Variants in TTC9 observed in about 807,000 individuals in gnomAD.
TTC9 encodes the protein tetratricopeptide repeat protein 9A.
A neutral mutation model predicts 22.9 loss-of-function variants in TTC9; 13 were observed. The ratio of observed to expected loss-of-function variants is 0.57; its 90% CI spans 0.37 to 0.90. The LOEUF (loss-of-function observed/expected upper bound fraction) is 0.90. Ranked by LOEUF, TTC9 falls within the 40% of genes least tolerant of loss-of-function variation. TTC9 has a pLI of 0.01. For missense variants in TTC9, 280 were observed against 291.8 expected, an observed-to-expected ratio of 0.96 and a Z score of 0.29; for synonymous variants, 148 against 133.2, an observed-to-expected ratio of 1.11 and a Z score of -0.77.
At chr14:70,657,952 C>T (rs369572761) in intron 1 of TTC9, among the ~76,000 whole-genome samples, 1 of 152,106 alleles carries the variant, frequency 6.6e-6, no homozygotes, top group Non-Finnish European at 1.5e-5. Context: ...GGCGACAGAG[C>T]GAGACTCCAT....
Position 70,642,454 on chromosome 14 carries a change from G to A in TTC9, c.325G>A (p.Ala109Thr). The A allele has an allele frequency of 1.3e-6, 2 of 1,556,342 alleles. No individual in the cohort carries two copies. Among genetic ancestry groups the A allele is most frequent in the Non-Finnish European group, 1.7e-6 (2 of 1,151,732 alleles). Residue 109 changes from alanine to threonine, a missense_variant, in exon 1 of 3, where the codon GCC becomes ACC. Transcript: ENST00000256367. Reference sequence around the variant, plus strand: ...CTCGCGCCCGGCCTCCCCGGCTGGGGCCCTGAAGCCCGGCCGCCTCTCGGA... The same window carrying A: ...CTCGCGCCCGGCCTCCCCGGCTGGGACCCTGAAGCCCGGCCGCCTCTCGGA... ...RDSRPASPAG[A>T]LKPGRLSEEQ...
chr14:70,665,390 G>A (rs1481316732), intron 1 of TTC9, among the ~76,000 whole-genome samples: 2 of 152,162 alleles, frequency 1.3e-5, no homozygotes, highest in Non-Finnish European at 2.9e-5. Context: ...ACCAGCACAG[G>A]CTCCGACAAC....
At position 70,642,296 on chromosome 14, in the gene TTC9, G is replaced by A; in HGVS notation, c.167G>A (p.Arg56Gln). 2.6e-6 allele frequency: 4 copies of A among 1,540,420 alleles called. No homozygotes were observed. Among genetic ancestry groups the A allele is most frequent in the East Asian group, 5.3e-5 (2 of 37,942 alleles). Reference protein sequence around the residue: ...AAAEPAELIRRAHEFKSQGAQ... With the variant: ...AAAEPAELIRQAHEFKSQGAQ... ...GCCGAGCCGGCCGAGCTCATCCGAC[G>A]AGCGCACGAGTTCAAAAGCCAAGGG... The change falls in exon 1 of 3, where the codon CGA becomes CAA. Residue 56 changes from arginine to glutamine, a missense_variant. Arg to Gln is a conservative substitution (Grantham distance 43). Around this residue, in one of 5 missense-constraint regions of TTC9, gnomAD observed 165 missense variants for 145.4 expected, o/e 1.14. Transcript: ENST00000256367.
chr14:70,643,826 A>G (rs908346796), intron 1 of TTC9, among the ~76,000 whole-genome samples: 1 of 152,210 alleles, frequency 6.6e-6, no homozygotes, highest in Non-Finnish European at 1.5e-5. Flanking sequence ...CTACGGAGGC[A>G]CTTTGTAAAT....
At position 70,642,290 on chromosome 14, in the gene TTC9, T is replaced by C; in HGVS notation, c.161T>C (p.Ile54Thr). The change falls in exon 1 of 3, where the codon ATC becomes ACC. Residue 54 changes from isoleucine (I) to threonine (T), a missense_variant. Physicochemically the swap from Ile to Thr is moderately conservative, Grantham distance 89. Coordinates refer to ENST00000256367, the MANE Select transcript of TTC9 (RefSeq NM_015351.2). ...VGAAAEPAEL[I>T]RRAHEFKSQG... ...GCGGCGGCCGAGCCGGCCGAGCTCATCCGACGAGCGCACGAGTTCAAAAGC... is the reference window on the plus strand; with the variant it reads ...GCGGCGGCCGAGCCGGCCGAGCTCACCCGACGAGCGCACGAGTTCAAAAGC... The C allele has an allele frequency of 6.5e-7, 1 of 1,533,826 alleles. No individual in the cohort carries two copies.
At chr14:70,653,273 G>A (rs79887340) in intron 1 of TTC9, among the ~76,000 whole-genome samples, 22,773 of 152,228 alleles carry the variant, frequency 0.15, 1,865 homozygotes, top group Non-Finnish European at 0.19. Flanking sequence ...GGGAAAGAAT[G>A]CAGCAAAGAA....
chr14:70,657,191 C>T (rs1204910448), intron 1 of TTC9, among the ~76,000 whole-genome samples: 1 of 152,234 alleles, frequency 6.6e-6, no homozygotes, highest in East Asian at 1.9e-4. Flanking sequence ...AATATAAACT[C>T]CTTGAAGATA....
At position 70,671,672 on chromosome 14, in the gene TTC9, G is replaced by C. The variant is rs930837059; in HGVS notation, c.*517G>C. The C allele has an allele frequency of 6.6e-6, 1 of 152,612 alleles. No individual in the cohort carries two copies. Among genetic ancestry groups the C allele is most frequent in the East Asian group, 1.9e-4 (1 of 5,158 alleles). 9.5% of individuals were successfully genotyped at this position (152,612 alleles called of 1,614,324 possible). A position where few individuals can be genotyped will look rare whatever the true frequency, so the allele number is the denominator to read the frequency against. On this transcript the variant is annotated 3_prime_UTR_variant, in exon 3 of 3. Coordinates refer to ENST00000256367, the MANE Select transcript of TTC9 (RefSeq NM_015351.2). ...ATAGAGACTGTCAATGTGTACACTG[G>C]AGTTCCCACCCCCACCCCCCACCCG...
chr14:70,658,351 C>G (rs751143574), intron 1 of TTC9, among the ~76,000 whole-genome samples: 1 of 152,160 alleles, frequency 6.6e-6, no homozygotes, highest in Non-Finnish European at 1.5e-5. Flanking sequence ...TAAAGATGTT[C>G]TAGAGATGTT....
chr14:70,648,101 G>A (rs1026154512), intron 1 of TTC9, among the ~76,000 whole-genome samples: 1 of 152,162 alleles, frequency 6.6e-6, no homozygotes, highest in Non-Finnish European at 1.5e-5. Flanking sequence ...CCTAGGGTAA[G>A]GATTGGTCAA....
chr14:70,644,183 C>CT (rs1272585842), intron 1 of TTC9, among the ~76,000 whole-genome samples: 1 of 152,212 alleles, frequency 6.6e-6, no homozygotes. Context: ...GTGGCTAGCA[C>CT]TGCCTGCCCT....
At chr14:70,665,351 C>CCT (rs376670045) in intron 1 of TTC9, among the ~76,000 whole-genome samples, 3 of 151,858 alleles carry the variant, frequency 2.0e-5, no homozygotes, top group Admixed American at 6.6e-5. Flanking sequence ...TACAGAAACC[C>CCT]CTCTCTCTCT....
chr14:70,642,109 A>C lies in TTC9; in HGVS notation c.-21A>C. 1 of 1,092,968 alleles carries C rather than the reference A, an allele frequency of 9.1e-7. No homozygotes were observed. Among genetic ancestry groups the C allele is most frequent in the Non-Finnish European group, 1.1e-6 (1 of 900,350 alleles). The allele number at this position is 1,092,968 out of a possible 1,614,324, so 67.7% of individuals were successfully genotyped here. On this transcript the variant is annotated 5_prime_UTR_variant, in exon 1 of 3. Coordinates refer to ENST00000256367, the MANE Select transcript of TTC9 (RefSeq NM_015351.2). ...CGGCGGGCAGATCGCGGCGCGCACC[A>C]GGCGCCGGGGCGGCGGCCGAATGGA...
At chr14:70,660,935 C>T (rs576296489) in intron 1 of TTC9, among the ~76,000 whole-genome samples, 2 of 152,344 alleles carry the variant, frequency 1.3e-5, no homozygotes, top group East Asian at 3.9e-4. Context: ...GCCCATCTCA[C>T]AAAGCAGTGA....
At chr14:70,656,269 G>T (rs1164072722) in intron 1 of TTC9, among the ~76,000 whole-genome samples, 1 of 149,008 alleles carries the variant, frequency 6.7e-6, no homozygotes. Context: ...CAACATTCAG[G>T]TTTATACTGT....
Position 70,667,730 on chromosome 14 carries a change from G to C in TTC9, c.573G>C (p.Arg191Ser). 1 of 1,601,940 alleles carries C rather than the reference G, an allele frequency of 6.2e-7. No individual in the cohort carries two copies. Among genetic ancestry groups the C allele is most frequent in the Non-Finnish European group, 8.5e-7 (1 of 1,172,396 alleles). The change falls in exon 2 of 3, where the codon AGG becomes AGC. Residue 191 changes from arginine (R) to serine (S), a missense_variant. Physicochemically the swap from Arg to Ser is moderately radical, Grantham distance 110 (BLOSUM62 -1). Around this residue, in one of 5 missense-constraint regions of TTC9, gnomAD observed 39 missense variants for 67.4 expected, o/e 0.58. Coordinates refer to ENST00000256367, the MANE Select transcript of TTC9 (RefSeq NM_015351.2). ...CACTCTACTACCTGAAAGAAGCAAG[G>C]ACCCAACAACCAACAGGTAAGGCGG... The part of the protein sequence containing the change: ...DKALYYLKEA[R>S]TQQPTDTNVI...
At chr14:70,654,015 AT>A (rs1886022616) in intron 1 of TTC9, among the ~76,000 whole-genome samples, 2 of 152,198 alleles carry the variant, frequency 1.3e-5, no homozygotes, top group African/African-American at 4.8e-5. Flanking sequence ...GAGCTTCCTT[AT>A]TGGGGTAGGA....
intron 1 of TTC9, among the ~76,000 whole-genome samples, chr14:70,643,427 T>C (rs1459870681): frequency 6.6e-6 from 1 of 152,238 alleles, no homozygotes; most frequent in Non-Finnish European, 1.5e-5. Context: ...TGCTAGGGCC[T>C]TCCTGGGAGA....
intron 1 of TTC9, among the ~76,000 whole-genome samples, chr14:70,645,157 G>A (rs7140236): frequency 0.65 from 98,363 of 152,082 alleles, 31,967 homozygotes; most frequent in African/African-American, 0.72. Context: ...GGGGAGAAGT[G>A]GAAGCCTTAT....
Sources: gnomAD v4.1 joint callset for allele counts (sites outside exome capture counted in the v4.1 genomes callset) on GRCh38, gnomAD v4.1.1 for gene constraint, gnomAD v4.1.1 regional missense constraint, MANE v1.5 for transcripts, NCBI Gene and HGNC (gene_info 2026-07-23, HGNC 2026-07-21) for gene names.